ADSL: variants seen among roughly 807,000 people sequenced by gnomAD.
ADSL encodes adenylosuccinase.
A neutral mutation model predicts 62.1 loss-of-function variants in ADSL; 44 were observed. The observed-to-expected ratio is 0.71, with a 90% CI of 0.56 to 0.91. ADSL has a LOEUF of 0.91. ADSL is among the 40% of genes least tolerant of loss of function. ADSL has a pLI of 0.00. For missense variants in ADSL, 531 were observed against 627.4 expected, an observed-to-expected ratio of 0.85 and a Z score of 1.64; for synonymous variants, 198 against 220.5, an observed-to-expected ratio of 0.90 and a Z score of 0.90.
Position 40,368,292 on chromosome 22 carries a change from G to A in ADSL, c.*1770G>A, listed in dbSNP as rs890895633. ...CAGGCAGAAGCTGGAAGACTGCCTC[G>A]TTAGGAATGTTGTGAGGGAGAGGAG... is the stretch of plus-strand genomic sequence containing the variant. On this transcript the variant is annotated 3_prime_UTR_variant, in exon 13 of 13. Coordinates refer to ENST00000623063, the MANE Select transcript of ADSL (RefSeq NM_000026.4). 1 of 152,090 alleles carries A rather than the reference G, an allele frequency of 6.6e-6. No homozygotes were observed. Among genetic ancestry groups the A allele is most frequent in the East Asian group, 1.9e-4 (1 of 5,188 alleles). The allele number at this position is 152,090 out of a possible 1,614,324, so 9.4% of individuals were successfully genotyped here.
At chr22:40,346,782 C>G in intron 1 of ADSL, 71 bp downstream of exon 1, 2 of 1,498,300 alleles carry the variant, frequency 1.3e-6, no homozygotes, top group Non-Finnish European at 1.8e-6. Context: ...GGGCTCTGTT[C>G]CGGGCTGGGC....
At chr22:40,352,782 C>T (rs772590913) in intron 2 of ADSL, among the ~76,000 whole-genome samples, 5 of 152,288 alleles carry the variant, frequency 3.3e-5, no homozygotes, top group South Asian at 4.1e-4. Flanking sequence ...TACAGGCATG[C>T]GCCACCATGC....
chr22:40,366,373 A>T, intron 12 of ADSL, 63 bp from the exon 13 acceptor site: 1 of 1,217,516 alleles, frequency 8.2e-7, no homozygotes, highest in South Asian at 1.2e-5. Flanking sequence ...TGACATTGGA[A>T]AAGGTATTAT....
At chr22:40,381,363 G>T (rs2047550724) in intron 2 of ADSL, among the ~76,000 whole-genome samples, 1 of 152,058 alleles carries the variant, frequency 6.6e-6, no homozygotes, top group Non-Finnish European at 1.5e-5. Flanking sequence ...TGCCGAGGCT[G>T]GTCTCAAACT....
At chr22:40,360,262 T>G in intron 6 of ADSL, 140 bp from the exon 7 acceptor site, 1 of 676,182 alleles carries the variant, frequency 1.5e-6, no homozygotes, top group East Asian at 2.7e-5. Flanking sequence ...AGTCTCCCAG[T>G]GATGCTTAGG....
In ADSL at chr22:40,366,796, T is replaced by C; in HGVS notation, c.*274T>C. ...TTTCCAGCTGCCTCAAGTTTAGTCC[T>C]TTTCACGTGTTCATTTGCTTGTAAA... On this transcript the variant is annotated 3_prime_UTR_variant, in exon 13 of 13. Coordinates refer to ENST00000623063, the MANE Select transcript of ADSL (RefSeq NM_000026.4). 2.5e-6 allele frequency: 1 copy of C among 398,250 alleles called. No individual in the cohort carries two copies. Among genetic ancestry groups the C allele is most frequent in the Non-Finnish European group, 4.7e-6 (1 of 212,776 alleles). 24.7% of individuals were successfully genotyped at this position (398,250 alleles called of 1,614,324 possible).
chr22:40,377,426 T>C (rs935267856), intron 2 of ADSL, among the ~76,000 whole-genome samples: 2 of 152,264 alleles, frequency 1.3e-5, no homozygotes, highest in Non-Finnish European at 2.9e-5. Flanking sequence ...TATGTCCTAC[T>C]ACATATCCTT....
At chr22:40,380,587 G>A (rs536746806) in intron 2 of ADSL, among the ~76,000 whole-genome samples, 6 of 152,052 alleles carry the variant, frequency 3.9e-5, no homozygotes, top group South Asian at 4.1e-4. Flanking sequence ...GGCTGGTCTC[G>A]AACTCCTGAC....
intron 10 of ADSL, 58 bp downstream of exon 10, chr22:40,363,129 G>A (rs1465238127): frequency 2.7e-6 from 4 of 1,490,274 alleles, no homozygotes; most frequent in Non-Finnish European, 3.7e-6. Context: ...GTGGGAGGGA[G>A]GGTGCTCTGG....
chr22:40,360,507 C>T lies in ADSL; in HGVS notation c.792+15C>T, dbSNP rs765892983. On this transcript the variant is annotated intron_variant, in intron 7 of 12. Transcript: ENST00000623063. Reference sequence around the variant, plus strand: ...CAGTGCACAAGGTGAGTGGTGGCAGCATGTGGGGTGGGGACAGGAGCTTTG... The same window carrying T: ...CAGTGCACAAGGTGAGTGGTGGCAGTATGTGGGGTGGGGACAGGAGCTTTG... 6.2e-6 allele frequency: 10 copies of T among 1,605,082 alleles called. No homozygotes were observed. The highest frequency in any genetic ancestry group is 8.5e-6 in the Non-Finnish European group (10 of 1,171,960).
chr22:40,363,552 A>G (rs945335231), intron 10 of ADSL, among the ~76,000 whole-genome samples: 1 of 152,010 alleles, frequency 6.6e-6, no homozygotes, highest in African/African-American at 2.4e-5. Context: ...CCTGGCCAAC[A>G]TGGTAAAACC....
intron 2 of ADSL, among the ~76,000 whole-genome samples, chr22:40,381,349 A>G (rs1865206792): frequency 6.6e-6 from 1 of 152,050 alleles, no homozygotes; most frequent in Non-Finnish European, 1.5e-5. Context: ...AAGCCTCACT[A>G]TGTTGCCGAG....
intron 11 of ADSL, chr22:40,364,642 T>A (rs1440809270): frequency 3.2e-6 from 2 of 629,116 alleles, no homozygotes; most frequent in Middle Eastern, 4.2e-4. Context: ...AGCAAATGAT[T>A]CATGAGGCTT....
rs768217316 is a variant in ADSL at position 40,353,113 on chromosome 22, C to T, written c.398C>T (p.Pro133Leu). 6 of 1,613,582 alleles carry T rather than the reference C, an allele frequency of 3.7e-6. No homozygotes were observed. In the Admixed American group the frequency reaches 1.0e-4, roughly 27 times the overall value. Residue 133 changes from proline (P) to leucine (L), a missense_variant, in exon 3 of 13, where the codon CCA (proline) becomes CTA (leucine). By Grantham distance (98) the Pro-to-Leu change is moderately conservative. Transcript: ENST00000623063. ...ILRNALDLLL[P>L]KLARVISRLA... ...AGAAATGCACTTGACCTGCTTTTGCCAAAGGTAAGGAGTTGGCAGATGTTT... is the reference window on the plus strand; with the variant it reads ...AGAAATGCACTTGACCTGCTTTTGCTAAAGGTAAGGAGTTGGCAGATGTTT...
chr22:40,348,334 A>G, intron 1 of ADSL: 1 of 397,606 alleles, frequency 2.5e-6, no homozygotes. Flanking sequence ...GTGGCTGCCG[A>G]GTACTTGAAA....
intron 2 of ADSL, among the ~76,000 whole-genome samples, chr22:40,381,236 C>G (rs2047520106): frequency 6.6e-6 from 1 of 151,974 alleles, no homozygotes; most frequent in Non-Finnish European, 1.5e-5. Flanking sequence ...CAACCTCCAC[C>G]TCCAGGGCTC....
chr22:40,370,850 G>C (rs543174952), downstream of ADSL, among the ~76,000 whole-genome samples: 8 of 152,264 alleles, frequency 5.3e-5, no homozygotes, highest in South Asian at 6.2e-4. Context: ...CCGCCGGGCC[G>C]ACCTTGCTCG....
At chr22:40,354,479 T>G (rs1189497599) in intron 4 of ADSL, 152 bp downstream of exon 4, 2 of 737,028 alleles carry the variant, frequency 2.7e-6, no homozygotes, top group Admixed American at 1.9e-5. Context: ...GAGCCTGATA[T>G]CCACTGAGAG....
At chr22:40,350,652 T>C (rs1473268662) in intron 2 of ADSL, among the ~76,000 whole-genome samples, 1 of 152,000 alleles carries the variant, frequency 6.6e-6, no homozygotes, top group African/African-American at 2.4e-5. Context: ...GGAGTCTTGC[T>C]CTGTCACCCA....
Sources: gnomAD v4.1 joint callset for allele counts (sites outside exome capture counted in the v4.1 genomes callset) on GRCh38, gnomAD v4.1.1 for gene constraint, MANE v1.5 for transcripts, NCBI Gene and HGNC (gene_info 2026-07-23, HGNC 2026-07-21) for gene names.